Variants in LYRM4 observed in about 807,000 individuals in gnomAD.
LYRM4 encodes LYR motif containing 4, also known as LYR motif-containing protein 4.
In LYRM4, 9 loss-of-function variants were observed where a neutral mutation model predicts 11.7. The ratio of observed to expected loss-of-function variants is 0.77; its 90% CI spans 0.46 to 1.34. The LOEUF is 1.34. Among genes scored for constraint, LYRM4 ranks in the 40% most tolerant of loss-of-function variants. LYRM4 has a pLI of 0.00. For synonymous variants in LYRM4, 42 were observed against 40.4 expected (o/e 1.04, Z -0.15); for missense variants, 133 against 112.5 (o/e 1.18, Z -0.82).
At chr6:5,100,254 G>A (rs1382851745), downstream of LYRM4, among the ~76,000 whole-genome samples, 1 of 152,210 alleles carries the variant, frequency 6.6e-6, no homozygotes, top group South Asian at 2.1e-4. Flanking sequence ...ATGGATGCTG[G>A]GTTCTTGCCT....
chr6:5,035,578 T>C, the LYRM4 span, among the ~76,000 whole-genome samples: 10 of 48 alleles, frequency 0.21, 5 homozygotes, highest in Non-Finnish European at 0.36. Context: ...TCCCCTCCTT[T>C]CCCTCCCTCC....
intron 2 of LYRM4, among the ~76,000 whole-genome samples, chr6:5,134,813 T>C (rs1343517353): frequency 6.7e-6 from 1 of 148,644 alleles, no homozygotes; most frequent in African/African-American, 2.5e-5. Context: ...ACTAACAAAT[T>C]GGGGAAAATG....
chr6:5,182,958 T>A (rs1760164344), intron 2 of LYRM4, among the ~76,000 whole-genome samples: 1 of 152,274 alleles, frequency 6.6e-6, no homozygotes, highest in Non-Finnish European at 1.5e-5. Flanking sequence ...ATCTAGCATT[T>A]GCCACATACA....
At chr6:5,127,983 C>A (rs990718819) in intron 2 of LYRM4, among the ~76,000 whole-genome samples, 1 of 152,156 alleles carries the variant, frequency 6.6e-6, no homozygotes, top group Non-Finnish European at 1.5e-5. Context: ...TACCCTTCAC[C>A]CTATTTCCTC....
At chr6:5,130,130 C>A (rs1763881414) in intron 2 of LYRM4, among the ~76,000 whole-genome samples, 1 of 152,220 alleles carries the variant, frequency 6.6e-6, no homozygotes, top group African/African-American at 2.4e-5. Flanking sequence ...GACTATGCTT[C>A]CCCTGTTCCC....
chr6:5,232,003 G>C (rs187433559), intron 1 of LYRM4, among the ~76,000 whole-genome samples: 6 of 152,228 alleles, frequency 3.9e-5, no homozygotes, highest in Admixed American at 3.9e-4. Flanking sequence ...GCAAACATTT[G>C]CATTTACAAA....
At chr6:5,245,118 A>ATATATATG (rs1764121128) in intron 1 of LYRM4, among the ~76,000 whole-genome samples, 9 of 17,486 alleles carry the variant, frequency 5.1e-4, no homozygotes, top group Non-Finnish European at 9.0e-4. Flanking sequence ...AAAAAAATAT[A>ATATATATG]TATATATATA....
chr6:5,044,427 G>A, the LYRM4 span, among the ~76,000 whole-genome samples: 2 of 152,038 alleles, frequency 1.3e-5, no homozygotes. Flanking sequence ...CACCATGCCC[G>A]GCTGACACAC....
At chr6:5,239,186 C>T (rs182462334) in intron 1 of LYRM4, among the ~76,000 whole-genome samples, 15 of 152,198 alleles carry the variant, frequency 9.9e-5, no homozygotes, top group Admixed American at 5.2e-4. Context: ...AAAGAAGGTC[C>T]GGCAAGGGAA....
At chr6:5,098,459 A>T in the LYRM4 span, among the ~76,000 whole-genome samples, 141 of 152,286 alleles carry the variant, frequency 9.3e-4, no homozygotes, top group East Asian at 0.027. Context: ...AAACCCATTT[A>T]CACATACCCT....
chr6:5,215,002 G>T (rs4481464), intron 2 of LYRM4, among the ~76,000 whole-genome samples: 1 of 151,430 alleles, frequency 6.6e-6, no homozygotes, highest in Non-Finnish European at 1.5e-5. Context: ...TCCTGGGAGG[G>T]GAACTCACTG....
the LYRM4 span, chr6:5,054,234 C>T: frequency 3.2e-6 from 1 of 316,228 alleles, no homozygotes; most frequent in Non-Finnish European, 4.6e-6. Flanking sequence ...TTGTCCCTGG[C>T]ACTGTGCTTC....
chr6:5,083,517 A>G, the LYRM4 span, among the ~76,000 whole-genome samples: 1 of 152,180 alleles, frequency 6.6e-6, no homozygotes, highest in African/African-American at 2.4e-5. Flanking sequence ...CAGGCTTAGT[A>G]GTGATGGGGG....
At chr6:5,193,487 C>T (rs1760881793) in intron 2 of LYRM4, among the ~76,000 whole-genome samples, 1 of 152,158 alleles carries the variant, frequency 6.6e-6, no homozygotes, top group Non-Finnish European at 1.5e-5. Flanking sequence ...AAATTTCATA[C>T]TCAGCTGAGG....
chr6:5,057,191 C>G, the LYRM4 span, among the ~76,000 whole-genome samples: 436 of 152,268 alleles, frequency 2.9e-3, 3 homozygotes, highest in Admixed American at 0.022. Flanking sequence ...CCCAACCCCC[C>G]TTTCCCCAAA....
chr6:5,146,073 G>A (rs926358381), intron 2 of LYRM4, among the ~76,000 whole-genome samples: 1 of 152,094 alleles, frequency 6.6e-6, no homozygotes, highest in African/African-American at 2.4e-5. Flanking sequence ...CCAAATATTC[G>A]AATGCCACCT....
At chr6:5,092,309 C>T in the LYRM4 span, among the ~76,000 whole-genome samples, 1 of 152,164 alleles carries the variant, frequency 6.6e-6, no homozygotes, top group Non-Finnish European at 1.5e-5. Flanking sequence ...GAACCCTTGT[C>T]ATCAGGAGGT....
rs1013813949 is a variant in LYRM4, at chr6:5,140,292, C to T, written c.208-30801G>A. 4.6e-5 allele frequency among the ~76,000 whole-genome samples: 7 copies of T among 152,000 alleles called. No homozygotes were observed. In the East Asian group the frequency reaches 7.8e-4, roughly 17 times the overall value. ...ACCTCTGTGAGCCTATTCTGGTTCA[C>T]AGGCTGCCTGATTTGCAAAGTGTTA... On this transcript the variant is annotated intron_variant, in intron 2 of 2. Transcript: ENST00000330636.
At chr6:5,215,452 GT>G (rs1184062300) in intron 2 of LYRM4, among the ~76,000 whole-genome samples, 1 of 152,142 alleles carries the variant, frequency 6.6e-6, no homozygotes, top group African/African-American at 2.4e-5. Flanking sequence ...CATGGCTTTA[GT>G]TAGAGATCAT....
Sources: gnomAD v4.1 joint callset for allele counts (sites outside exome capture counted in the v4.1 genomes callset) on GRCh38, gnomAD v4.1.1 for gene constraint, MANE v1.5 for transcripts, NCBI Gene and HGNC (gene_info 2026-07-23, HGNC 2026-07-21) for gene names.